VPS45: variants seen among roughly 807,000 people sequenced by gnomAD.
VPS45 encodes vacuolar protein sorting-associated protein 45.
VPS45 carries 35 observed loss-of-function variants against 75.9 expected under a neutral mutation model. The observed-to-expected ratio is 0.46, with a 90% CI of 0.35 to 0.61. The LOEUF is 0.61. Ranked by LOEUF, VPS45 falls within the 20% of genes least tolerant of loss-of-function variation. The pLI, the probability that VPS45 is intolerant of heterozygous loss-of-function variation, is 0.00. For synonymous variants in VPS45, 220 were observed against 238.2 expected (o/e 0.92, Z 0.70); for missense variants, 559 against 685.9 (o/e 0.81, Z 2.07).
chr1:150,076,980 G>T lies in VPS45; in HGVS notation c.434G>T (p.Cys145Phe). The T allele has an allele frequency of 6.2e-7, 1 of 1,614,140 alleles. No homozygotes were observed. The change falls in exon 5 of 15, where the codon TGC becomes TTC. Residue 145 changes from cysteine (C) to phenylalanine (F), a missense_variant. Cys to Phe is a radical substitution (Grantham distance 205). Coordinates refer to ENST00000644510, the MANE Select transcript of VPS45 (RefSeq NM_007259.5). Reference sequence around the variant, plus strand: ...TTTTCCCTCAATATTTTGGGTTGCTGCCAGGTATGGAAGGAAAGGTTTAAT... The same window carrying T: ...TTTTCCCTCAATATTTTGGGTTGCTTCCAGGTATGGAAGGAAAGGTTTAAT... Reference protein sequence around the residue: ...HLFSLNILGCCQGRNWDPAQL... With the variant: ...HLFSLNILGCFQGRNWDPAQL...
intron 14 of VPS45, among the ~76,000 whole-genome samples, chr1:150,113,794 G>A (rs966819462): frequency 6.6e-6 from 1 of 152,050 alleles, no homozygotes; most frequent in Non-Finnish European, 1.5e-5. Context: ...TACTCAGGAG[G>A]CTGAGGCAGG....
chr1:150,105,731 A>G (rs967988939), intron 13 of VPS45, among the ~76,000 whole-genome samples: 12 of 152,212 alleles, frequency 7.9e-5, no homozygotes, highest in Non-Finnish European at 1.3e-4. Context: ...ATTTACCAAC[A>G]TCATTCTTCA....
rs782075318 is a variant in VPS45 at position 150,144,795 on chromosome 1, G to A, written c.1712G>A (p.Ter571=). ...ACATCAAGGTCAGCGAGCAGAAGATGAAACGGTGGTTGGGGGAAGGGCACA... is the reference window on the plus strand; with the variant it reads ...ACATCAAGGTCAGCGAGCAGAAGATAAAACGGTGGTTGGGGGAAGGGCACA... ...QVTSRSASRR[*] Residue 571 remains the stop codon, a stop_retained_variant, in exon 15 of 15, where the codon TGA becomes TAA. Transcript: ENST00000644510. 37 of 1,614,152 alleles carry A rather than the reference G, an allele frequency of 2.3e-5. No homozygotes were observed. The highest frequency in any genetic ancestry group is 3.0e-5 in the Non-Finnish European group (35 of 1,180,022).
chr1:150,125,359 A>G (rs1330393297), intron 14 of VPS45, among the ~76,000 whole-genome samples: 1 of 148,142 alleles, frequency 6.8e-6, no homozygotes, highest in African/African-American at 2.5e-5. Flanking sequence ...TTTTTAATAT[A>G]TATATATTTT....
intron 13 of VPS45, among the ~76,000 whole-genome samples, chr1:150,095,518 G>T (rs1023656250): frequency 1.3e-5 from 2 of 151,982 alleles, no homozygotes; most frequent in Admixed American, 6.6e-5. Flanking sequence ...GGAGGCTGAG[G>T]TAGAAGAATC....
chr1:150,110,512 G>A lies in VPS45; in HGVS notation c.1510G>A (p.Val504Met), dbSNP rs1657589357. ...TTATTGCAGACCTCAGGATATCATT[G>A]TGTTTGTAATTGGAGGAGCCACCTA... ...TLRDRPQDII[V>M]FVIGGATYEE... is the part of the protein sequence containing the mutation. Residue 504 changes from valine (V) to methionine (M), a missense_variant, in exon 14 of 15, where the codon GTG (valine) becomes ATG (methionine). Transcript: ENST00000644510. 6.2e-7 allele frequency: 1 copy of A among 1,612,280 alleles called. No individual in the cohort carries two copies.
chr1:150,134,117 A>G (rs587610344), intron 14 of VPS45, among the ~76,000 whole-genome samples: 1 of 152,358 alleles, frequency 6.6e-6, no homozygotes, highest in African/African-American at 2.4e-5. Context: ...AAATAACCCC[A>G]GTGGAATTAG....
chr1:150,120,207 G>T (rs587742069), intron 14 of VPS45, among the ~76,000 whole-genome samples: 1 of 152,118 alleles, frequency 6.6e-6, no homozygotes, highest in Non-Finnish European at 1.5e-5. Flanking sequence ...ATCACTTAAT[G>T]TAATGGGTAG....
At chr1:150,088,234 A>G (rs1367448948) in intron 10 of VPS45, among the ~76,000 whole-genome samples, 1 of 151,908 alleles carries the variant, frequency 6.6e-6, no homozygotes, top group East Asian at 1.9e-4. Context: ...ATCCTTCACC[A>G]TCCCATCCTC....
At chr1:150,122,753 C>T (rs1571898811) in intron 14 of VPS45, among the ~76,000 whole-genome samples, 1 of 151,894 alleles carries the variant, frequency 6.6e-6, no homozygotes, top group African/African-American at 2.4e-5. Flanking sequence ...AATCCCAGCA[C>T]TTTGGGAGGC....
intron 14 of VPS45, among the ~76,000 whole-genome samples, chr1:150,120,508 C>T (rs2101628045): frequency 6.6e-6 from 1 of 152,232 alleles, no homozygotes; most frequent in South Asian, 2.1e-4. Context: ...CAAGGAGTCA[C>T]CTGAAGATAT....
intron 13 of VPS45, among the ~76,000 whole-genome samples, chr1:150,103,569 C>T (rs1553805085): frequency 2.6e-5 from 4 of 152,244 alleles, no homozygotes; most frequent in South Asian, 2.1e-4. Context: ...GTTTACCATC[C>T]GTGACATTTT....
intron 10 of VPS45, among the ~76,000 whole-genome samples, chr1:150,089,623 A>G (rs1553801516): frequency 6.6e-6 from 1 of 152,082 alleles, no homozygotes; most frequent in Non-Finnish European, 1.5e-5. Context: ...CGACCTCACA[A>G]ATTGTTGGGA....
intron 10 of VPS45, among the ~76,000 whole-genome samples, chr1:150,086,752 T>G (rs1656037745): frequency 6.6e-6 from 1 of 152,178 alleles, no homozygotes; most frequent in African/African-American, 2.4e-5. Context: ...TTGGGTCTTG[T>G]CTGCTTTCTA....
intron 3 of VPS45, among the ~76,000 whole-genome samples, chr1:150,073,490 C>T (rs998516614): frequency 4.6e-5 from 7 of 152,052 alleles, no homozygotes; most frequent in South Asian, 4.2e-4. Flanking sequence ...TTTCAGTGCA[C>T]GACGCCCCAA....
intron 13 of VPS45, among the ~76,000 whole-genome samples, chr1:150,097,973 C>G (rs1656770779): frequency 6.6e-6 from 1 of 152,112 alleles, no homozygotes; most frequent in African/African-American, 2.4e-5. Context: ...CCTCATTCTC[C>G]TAAGTAGCTG....
At chr1:150,092,507 C>A in intron 12 of VPS45, 98 bp downstream of exon 12, 3 of 1,006,688 alleles carry the variant, frequency 3.0e-6, no homozygotes, top group Non-Finnish European at 4.3e-6. Context: ...TTGAAGATTG[C>A]TGCTAATTTA....
chr1:150,133,246 A>G (rs1425562141), intron 14 of VPS45, among the ~76,000 whole-genome samples: 1 of 152,036 alleles, frequency 6.6e-6, no homozygotes, highest in Non-Finnish European at 1.5e-5. Flanking sequence ...CAGAGTCAGT[A>G]CCACTATAAT....
intron 13 of VPS45, 102 bp downstream of exon 13, chr1:150,093,750 G>T: frequency 1.4e-6 from 2 of 1,382,110 alleles, no homozygotes; most frequent in Non-Finnish European, 1.9e-6. Context: ...GCATTCTGCT[G>T]CTCCTTTCTT....
Sources: allele counts gnomAD v4.1 joint callset (sites outside exome capture counted in the v4.1 genomes callset), GRCh38; gene constraint gnomAD v4.1.1; transcripts MANE v1.5; gene names NCBI Gene and HGNC (gene_info 2026-07-23, HGNC 2026-07-21).